AFG3L2: variants seen among roughly 807,000 people sequenced by gnomAD.
AFG3L2 encodes the protein AFG3 like matrix AAA peptidase subunit 2.
A neutral mutation model predicts 94.5 loss-of-function variants in AFG3L2; 54 were observed. The ratio of observed to expected loss-of-function variants is 0.57; its 90% CI spans 0.46 to 0.72. AFG3L2 has a LOEUF of 0.72. Ranked by LOEUF, AFG3L2 falls within the 30% of genes least tolerant of loss-of-function variation. AFG3L2 has a pLI of 0.00. For synonymous variants in AFG3L2, 377 were observed against 365.5 expected, an observed-to-expected ratio of 1.03 and a Z score of -0.36; for missense variants, 754 against 994.9, an observed-to-expected ratio of 0.76 and a Z score of 3.26.
intron 8 of AFG3L2, among the ~76,000 whole-genome samples, chr18:12,357,542 A>C (rs1452464796): frequency 6.6e-6 from 1 of 152,242 alleles, no homozygotes; most frequent in African/African-American, 2.4e-5. Context: ...CAAATGAAGT[A>C]GAAATCTAAC....
At chr18:12,375,124 G>A (rs907877139) in intron 1 of AFG3L2, among the ~76,000 whole-genome samples, 1 of 151,574 alleles carries the variant, frequency 6.6e-6, no homozygotes, top group Non-Finnish European at 1.5e-5. Flanking sequence ...ATGGATACAG[G>A]AAACCGAAAA....
intron 8 of AFG3L2, among the ~76,000 whole-genome samples, chr18:12,357,775 T>G (rs1312615527): frequency 6.6e-6 from 1 of 152,076 alleles, no homozygotes; most frequent in Non-Finnish European, 1.5e-5. Context: ...TTTTTTGTAT[T>G]TTTAGTAGAG....
At chr18:12,334,896 A>C (rs1029780782) in intron 16 of AFG3L2, among the ~76,000 whole-genome samples, 1 of 152,196 alleles carries the variant, frequency 6.6e-6, no homozygotes, top group Non-Finnish European at 1.5e-5. Context: ...TCTACTTCTA[A>C]AGCTGTGTGC....
At chr18:12,357,175 A>G (rs1908522406) in intron 8 of AFG3L2, among the ~76,000 whole-genome samples, 1 of 152,220 alleles carries the variant, frequency 6.6e-6, no homozygotes, top group African/African-American at 2.4e-5. Flanking sequence ...ATAATTTAAG[A>G]AGACACCAAC....
intron 13 of AFG3L2, 122 bp from the exon 14 acceptor site, chr18:12,344,369 C>T: frequency 1.2e-6 from 1 of 807,046 alleles, no homozygotes. Flanking sequence ...AGCTGCCTAT[C>T]ACAATCCAAA....
intron 16 of AFG3L2, 109 bp downstream of exon 16, chr18:12,337,232 C>A: frequency 1.0e-5 from 10 of 976,922 alleles, no homozygotes; most frequent in Non-Finnish European, 1.6e-5. Flanking sequence ...CATGGGTGAG[C>A]CAGAGAGAGG....
At chr18:12,365,864 A>G (rs1908788162) in intron 5 of AFG3L2, among the ~76,000 whole-genome samples, 1 of 147,022 alleles carries the variant, frequency 6.8e-6, no homozygotes, top group African/African-American at 2.5e-5. Flanking sequence ...ACTACACTGC[A>G]TCAATTCTTT....
intron 13 of AFG3L2, among the ~76,000 whole-genome samples, chr18:12,347,853 C>A (rs1251050157): frequency 2.0e-5 from 3 of 152,146 alleles, no homozygotes; most frequent in Admixed American, 6.5e-5. Context: ...CCGGCTGTTA[C>A]AGATATTTTA....
chr18:12,359,280 T>C (rs1196304884), intron 7 of AFG3L2, among the ~76,000 whole-genome samples: 2 of 152,178 alleles, frequency 1.3e-5, no homozygotes, highest in Non-Finnish European at 2.9e-5. Flanking sequence ...ACATAAATGA[T>C]AGTTCAAAGA....
chr18:12,372,440 G>C (rs574320000), intron 1 of AFG3L2, among the ~76,000 whole-genome samples: 1 of 152,342 alleles, frequency 6.6e-6, no homozygotes, highest in Admixed American at 6.5e-5. Flanking sequence ...GTGCTGGTGA[G>C]AATGTAAAAT....
chr18:12,362,990 G>C (rs1462394555), intron 6 of AFG3L2, among the ~76,000 whole-genome samples: 4 of 152,218 alleles, frequency 2.6e-5, no homozygotes, highest in African/African-American at 9.7e-5. Context: ...ACTAGGTAGA[G>C]GGAATGGGAA....
chr18:12,366,565 G>C (rs1340280546), intron 5 of AFG3L2, among the ~76,000 whole-genome samples: 1 of 152,112 alleles, frequency 6.6e-6, no homozygotes, highest in Non-Finnish European at 1.5e-5. Flanking sequence ...GGCCCAAAGA[G>C]GCTGGCACAC....
intron 16 of AFG3L2, among the ~76,000 whole-genome samples, chr18:12,334,826 G>T (rs1568132902): frequency 6.6e-6 from 1 of 152,050 alleles, no homozygotes; most frequent in Non-Finnish European, 1.5e-5. Context: ...ATTCTTTAAG[G>T]ACTCCTTTAA....
rs116481135 is a variant in AFG3L2, at chr18:12,376,202, T to C, written c.114+767A>G. On this transcript the variant is annotated intron_variant, in intron 1 of 16. Transcript: ENST00000269143. Reference sequence around the variant, plus strand: ...AGCAGGAGGCCAAGCCAGGTTCCCGTGGCCGACCCGGGGACCTCAACCACC... The same window carrying C: ...AGCAGGAGGCCAAGCCAGGTTCCCGCGGCCGACCCGGGGACCTCAACCACC... Among the ~76,000 whole-genome samples, 1,084 of 152,284 alleles carry C rather than the reference T, an allele frequency of 7.1e-3. 20 individuals are homozygous for C. Among genetic ancestry groups the C allele is most frequent in the African/African-American group, 0.025 (1,047 of 41,574 alleles).
chr18:12,345,196 G>A (rs1908094648), intron 13 of AFG3L2, among the ~76,000 whole-genome samples: 1 of 152,212 alleles, frequency 6.6e-6, no homozygotes, highest in African/African-American at 2.4e-5. Flanking sequence ...GACCCAGAGG[G>A]CAAACCCCAG....
chr18:12,359,391 A>C (rs966896751), intron 7 of AFG3L2, among the ~76,000 whole-genome samples: 3 of 152,158 alleles, frequency 2.0e-5, no homozygotes, highest in African/African-American at 7.2e-5. Context: ...CTTCATCAAG[A>C]TAAGTATAAA....
chr18:12,350,992 AGAAGT>A, intron 12 of AFG3L2, 88 bp downstream of exon 12: 1 of 1,530,460 alleles, frequency 6.5e-7, no homozygotes, highest in South Asian at 1.1e-5. Flanking sequence ...CCCACAGTAA[AGAAGT>A]GAAAAGGTAA....
In AFG3L2 at chr18:12,356,555, G is replaced by A. The variant is rs1260110591; in HGVS notation, c.1164+139C>T. The A allele has an allele frequency of 4.0e-6, 5 of 1,255,428 alleles. No individual in the cohort carries two copies. The African/African-American group carries it at 4.4e-5, about 11-fold the overall frequency. 77.8% of individuals were successfully genotyped at this position (1,255,428 alleles called of 1,614,324 possible). ...CAGGCCTTGCTGAAGTCTTAGGCCTGGAGGAGAGCTCAGGCCAGGGACTGG... is the reference window on the plus strand; with the variant it reads ...CAGGCCTTGCTGAAGTCTTAGGCCTAGAGGAGAGCTCAGGCCAGGGACTGG... On this transcript the variant is annotated intron_variant, in intron 9 of 16. Coordinates refer to ENST00000269143, the MANE Select transcript of AFG3L2 (RefSeq NM_006796.3).
In AFG3L2 at chr18:12,376,974, G is replaced by A; in HGVS notation, c.109C>T (p.Arg37Trp). 4 of 1,457,912 alleles carry A rather than the reference G, an allele frequency of 2.7e-6. No individual in the cohort carries two copies. The highest frequency in any genetic ancestry group is 3.6e-6 in the Non-Finnish European group (4 of 1,109,126). The allele number at this position is 1,457,912 out of a possible 1,614,324, so 90.3% of individuals were successfully genotyped here. Residue 37 changes from arginine to tryptophan, a missense_variant, in exon 1 of 17, where the codon CGG (arginine) becomes TGG (tryptophan). Around this residue, in one of 4 missense-constraint regions of AFG3L2, gnomAD observed 236 missense variants for 214.0 expected, o/e 1.10. Transcript: ENST00000269143. ...GGCGCCCAGGTAGGACTCACCGTCC[G>A]GAGGCAGGGCTGCTCGCCCGGGCCC... ...GVGPGEQPCL[R>W]TLYRFVTTQA...
Sources: gnomAD v4.1 joint callset for allele counts (sites outside exome capture counted in the v4.1 genomes callset) on GRCh38, gnomAD v4.1.1 for gene constraint, gnomAD v4.1.1 regional missense constraint, MANE v1.5 for transcripts, NCBI Gene and HGNC (gene_info 2026-07-23, HGNC 2026-07-21) for gene names.